The following PRR14L variants were observed in gnomAD, a reference collection of about 807,000 sequenced individuals.
PRR14L encodes the protein proline rich 14 like.
In PRR14L, 80 loss-of-function variants were observed where a neutral mutation model predicts 155.0. The ratio of observed to expected loss-of-function variants is 0.52; its 90% CI spans 0.43 to 0.62. The LOEUF (loss-of-function observed/expected upper bound fraction) is 0.62, where lower values mean the gene tolerates loss of function less well. Among genes scored for constraint, PRR14L ranks in the 20% least tolerant of loss-of-function variants. The pLI is 0.00. For synonymous variants in PRR14L, 883 were observed against 916.0 expected (o/e 0.96, Z 0.65); for missense variants, 2,469 against 2,548.0 (o/e 0.97, Z 0.67).
rs138229470 is a variant in PRR14L, at chr22:31,716,024, G to A, written c.1815C>T (p.Tyr605=). 5 of 1,550,594 alleles carry A rather than the reference G, an allele frequency of 3.2e-6. No homozygotes were observed. The East Asian group carries it at 7.3e-5, about 23-fold the overall frequency. The change falls in exon 4 of 9, where the codon TAC becomes TAT. Residue 605 remains tyrosine, a synonymous_variant. Transcript: ENST00000327423. The part of the protein sequence containing the change: ...ALLLPSPEFD[Y]RPESEKVIQT... ...GTATAACTTTTTCTGACTCAGGTCT[G>A]TAATCAAATTCTGGGGATGGTAGCA...
At chr22:31,747,056 G>A (rs1318431921) in intron 1 of PRR14L, among the ~76,000 whole-genome samples, 2 of 151,588 alleles carry the variant, frequency 1.3e-5, no homozygotes, top group Non-Finnish European at 2.9e-5. Flanking sequence ...CGCCCGCCTC[G>A]GCCTCCCAAA....
chr22:31,688,291 C>G (rs529682106), intron 7 of PRR14L, 64 bp from the exon 8 acceptor site: 2 of 1,465,004 alleles, frequency 1.4e-6, no homozygotes, highest in South Asian at 2.6e-5. Context: ...CAGAGAAGGT[C>G]TTGCTCTGTT....
In PRR14L at chr22:31,738,259, A is replaced by C. The variant is rs898246113; in HGVS notation, c.474+128T>G. On this transcript the variant is annotated intron_variant, in intron 2 of 8. Transcript: ENST00000327423. ...TTTAAAAGATCATCAAAACAAAGTTAACTTCAAAATCGACATTTCGGAAAT... is the reference window on the plus strand; with the variant it reads ...TTTAAAAGATCATCAAAACAAAGTTCACTTCAAAATCGACATTTCGGAAAT... The C allele has an allele frequency of 1.4e-5, 11 of 794,396 alleles. No homozygotes were observed. The East Asian group carries it at 3.0e-4, about 21-fold the overall frequency. 49.2% of individuals were successfully genotyped at this position (794,396 alleles called of 1,614,324 possible).
intron 4 of PRR14L, among the ~76,000 whole-genome samples, chr22:31,709,284 GCT>G (rs145106969): frequency 0.027 from 3,911 of 144,620 alleles, 170 homozygotes; most frequent in African/African-American, 0.093. Flanking sequence ...ACAGAATCCC[GCT>G]CTGTTGCCCA....
chr22:31,714,267 C>G lies in PRR14L; in HGVS notation c.3572G>C (p.Arg1191Thr). Residue 1191 changes from arginine (R) to threonine (T), a missense_variant, in exon 4 of 9, where the codon AGA (arginine) becomes ACA (threonine). Coordinates refer to ENST00000327423, the MANE Select transcript of PRR14L (RefSeq NM_173566.3). ...YGQQDKGTSLRETQEMTEGSR... is the reference protein window; with the variant it reads ...YGQQDKGTSLTETQEMTEGSR... Reference sequence around the variant, plus strand: ...TCCTTCAGTCATTTCTTGTGTTTCTCTGAGAGATGTTCCTTTATCTTGCTG... The same window carrying G: ...TCCTTCAGTCATTTCTTGTGTTTCTGTGAGAGATGTTCCTTTATCTTGCTG... The G allele has an allele frequency of 3.2e-6, 5 of 1,551,430 alleles. No individual in the cohort carries two copies. Among genetic ancestry groups the G allele is most frequent in the Non-Finnish European group, 4.4e-6 (5 of 1,146,934 alleles).
At chr22:31,745,060 A>C (rs2074830632) in intron 1 of PRR14L, among the ~76,000 whole-genome samples, 1 of 152,192 alleles carries the variant, frequency 6.6e-6, no homozygotes, top group South Asian at 2.1e-4. Context: ...AGGTGAGGTG[A>C]TATTAAATGC....
rs1231701660 is a variant in PRR14L, at chr22:31,721,142, C to CTGATGGGGAAGATCTCCCA, written c.548-3870_548-3852dup. On this transcript the variant is annotated intron_variant, in intron 3 of 8. Transcript: ENST00000327423. ...AAGGGTGAGGAACCAGCAAGAGTGC[C>CTGATGGGGAAGATCTCCCA]TGATGGGGAAGATCTCCCATGATGG... is the stretch of plus-strand genomic sequence containing the variant. Among the ~76,000 whole-genome samples, 158 of 152,174 alleles carry CTGATGGGGAAGATCTCCCA rather than the reference C, an allele frequency of 1.0e-3. 2 individuals carry two copies. Among genetic ancestry groups the CTGATGGGGAAGATCTCCCA allele is most frequent in the Non-Finnish European group, 1.9e-3 (130 of 68,026 alleles).
rs2074807874 is a variant in PRR14L, at chr22:31,740,657, G to C, written c.-51-1746C>G. On this transcript the variant is annotated intron_variant, in intron 1 of 8. Transcript: ENST00000327423. The stretch of plus-strand genomic sequence containing the variant: ...ATTATAGGCACAAGTCACCATGCCT[G>C]ACCCACACTTTCATTCTTGATGCTT... Among the ~76,000 whole-genome samples, 3 of 152,036 alleles carry C rather than the reference G, an allele frequency of 2.0e-5. No homozygotes were observed. In the South Asian group the frequency reaches 6.2e-4, roughly 31 times the overall value.
In PRR14L at chr22:31,716,119, T is replaced by G; in HGVS notation, c.1720A>C (p.Ser574Arg). ...CTTATTTGATCCTCTGGCATTAAAC[T>G]CACAATGGATTTTCTTTCAAACAGA... Reference protein sequence around the residue: ...DFLFERKSIVSLMPEDQISPV... With the variant: ...DFLFERKSIVRLMPEDQISPV... The change falls in exon 4 of 9, where the codon AGT (serine) becomes CGT (arginine). Residue 574 changes from serine (S) to arginine (R), a missense_variant. By Grantham distance (110) the Ser-to-Arg change is moderately radical (BLOSUM62 -1). Around this residue, in one of 2 missense-constraint regions of PRR14L, gnomAD observed 2,363 missense variants for 2,371.6 expected, o/e 1.00. Transcript: ENST00000327423. 6.4e-7 allele frequency: 1 copy of G among 1,551,326 alleles called. No homozygotes were observed. Among genetic ancestry groups the G allele is most frequent in the South Asian group, 1.2e-5 (1 of 84,064 alleles).
rs2147864255 is a variant in PRR14L at position 31,714,926 on chromosome 22, G to C, written c.2913C>G (p.Asp971Glu). ...CTGGTCTGTTTTGGTTACTCTGACA[G>C]TCAAGGACTTCATCTGCCTTCTGAT... Reference protein sequence around the residue: ...TLDQKADEVLDCQSNQNRPDE... With the variant: ...TLDQKADEVLECQSNQNRPDE... The change falls in exon 4 of 9, where the codon GAC (aspartate) becomes GAG (glutamate). Residue 971 changes from aspartate (D) to glutamate (E), a missense_variant. This residue lies in a region of PRR14L where 2,363 missense variants were observed against 2,371.6 expected (regional missense o/e 1.00). Transcript: ENST00000327423. 2 of 1,552,030 alleles carry C rather than the reference G, an allele frequency of 1.3e-6. No homozygotes were observed. The highest frequency in any genetic ancestry group is 1.2e-5 in the South Asian group (1 of 84,066).
At chr22:31,703,815 G>A (rs1024140878) in intron 5 of PRR14L, 94 bp from the exon 6 acceptor site, 1 of 590,394 alleles carries the variant, frequency 1.7e-6, no homozygotes, top group Non-Finnish European at 2.5e-6. Context: ...TTTTTTTTTT[G>A]AGAAGGAGTT....
In PRR14L at chr22:31,715,563, C is replaced by G. The variant is rs766174090; in HGVS notation, c.2276G>C (p.Arg759Pro). 7.7e-5 allele frequency: 120 copies of G among 1,551,894 alleles called. No homozygotes were observed. The highest frequency in any genetic ancestry group is 9.7e-5 in the Non-Finnish European group (111 of 1,147,046). ...SGTKALHSRLRSNKREAAGFP... is the reference protein window; with the variant it reads ...SGTKALHSRLPSNKREAAGFP... ...GCCAGCTGCTTCTCTCTTATTTGAG[C>G]GCAGCCTGGAATGTAGAGCTTTTGT... is the stretch of plus-strand genomic sequence containing the variant. The change falls in exon 4 of 9, where the codon CGC becomes CCC. Residue 759 changes from arginine (R) to proline (P), a missense_variant. Coordinates refer to ENST00000327423, the MANE Select transcript of PRR14L (RefSeq NM_173566.3).
rs1425386288 is a variant in PRR14L, at chr22:31,715,142, A to T, written c.2697T>A (p.Ser899Arg). ...TIHTSSSIKL[S>R]EEGLEGKEQD... ...GCTCCTTTCCTTCCAGCCCTTCCTC[A>T]CTGAGTTTGATGCTACTGGAGGTGT... The change falls in exon 4 of 9, where the codon AGT becomes AGA. Residue 899 changes from serine (S) to arginine (R), a missense_variant. Transcript: ENST00000327423. The T allele has an allele frequency of 6.4e-7, 1 of 1,551,808 alleles. No individual in the cohort carries two copies. Among genetic ancestry groups the T allele is most frequent in the Non-Finnish European group, 8.7e-7 (1 of 1,146,978 alleles).
In PRR14L at chr22:31,701,697, T is replaced by C; in HGVS notation, c.6066A>G (p.Pro2022=). 1 of 1,614,152 alleles carries C rather than the reference T, an allele frequency of 6.2e-7. No individual in the cohort carries two copies. The highest frequency in any genetic ancestry group is 8.5e-7 in the Non-Finnish European group (1 of 1,179,974). Residue 2022 remains proline, a synonymous_variant, in exon 7 of 9, where the codon CCA becomes CCG. Coordinates refer to ENST00000327423, the MANE Select transcript of PRR14L (RefSeq NM_173566.3). The part of the protein sequence containing the change: ...QIRIRKTIPR[P]DPNLTPMGLP... ...GGCCCATGGGGGTAAGATTAGGATC[T>C]GGCCTAGGAATGGTTTTCCGGATGC...
chr22:31,697,460 G>C (rs1301599921), intron 7 of PRR14L, among the ~76,000 whole-genome samples: 13 of 152,120 alleles, frequency 8.5e-5, no homozygotes, highest in Admixed American at 8.5e-4. Flanking sequence ...TTAGGAAAGA[G>C]AGCTTCAAAC....
intron 8 of PRR14L, 22 bp downstream of exon 8, chr22:31,688,134 T>C: frequency 6.3e-7 from 1 of 1,593,798 alleles, no homozygotes; most frequent in Non-Finnish European, 8.5e-7. Context: ...TTCCCTTTTA[T>C]TTCCCAGCTA....
intron 7 of PRR14L, among the ~76,000 whole-genome samples, chr22:31,699,761 G>C (rs1359805749): frequency 6.6e-6 from 1 of 152,006 alleles, no homozygotes; most frequent in African/African-American, 2.4e-5. Context: ...AGAAAAGTCA[G>C]GAAGAATGAT....
At position 31,715,322 on chromosome 22, in the gene PRR14L, T is replaced by A. The variant is rs2074650681; in HGVS notation, c.2517A>T (p.Gly839=). 1 of 1,552,008 alleles carries A rather than the reference T, an allele frequency of 6.4e-7. No individual in the cohort carries two copies. ...TACAGCTGCTTTTTTCCACAGAGTG[T>A]CCTGTTCCTTGGCAGCAGTGATCAC... is the stretch of plus-strand genomic sequence containing the variant. The part of the protein sequence containing the change: ...QHRDHCCQGT[G]HSVEKSSCKV... The change falls in exon 4 of 9, where the codon GGA becomes GGT. Residue 839 remains glycine (G), a synonymous_variant. Transcript: ENST00000327423.
rs2074454664 is a variant in PRR14L, at chr22:31,681,697, T to A, written c.*3830A>T. 1 of 152,170 alleles carries A rather than the reference T, an allele frequency of 6.6e-6. No individual in the cohort carries two copies. 9.4% of individuals were successfully genotyped at this position (152,170 alleles called of 1,614,324 possible). On this transcript the variant is annotated 3_prime_UTR_variant, in exon 9 of 9. Transcript: ENST00000327423. ...GCTCAACGGGGACCCCCTTTCATCA[T>A]CAAAATAGCTTTTGCTGCTTGATTT...
Sources: gnomAD v4.1 joint callset for allele counts (sites outside exome capture counted in the v4.1 genomes callset) on GRCh38, gnomAD v4.1.1 for gene constraint, gnomAD v4.1.1 regional missense constraint, MANE v1.5 for transcripts, NCBI Gene and HGNC (gene_info 2026-07-23, HGNC 2026-07-21) for gene names.